Variants in TENT4A observed in about 807,000 individuals in gnomAD.
TENT4A encodes terminal nucleotidyltransferase 4A, also known as DNA polymerase kappa.
Under a neutral mutation model 72.8 loss-of-function variants are expected in TENT4A, and 7 were observed. That is an observed-to-expected ratio of 0.10 (90% CI 0.05 to 0.18). The LOEUF is 0.18. TENT4A is among the 10% of genes least tolerant of loss of function. The pLI, the probability that TENT4A is intolerant of heterozygous loss-of-function variation, is 1.00. For synonymous variants in TENT4A, 456 were observed against 434.3 expected, an observed-to-expected ratio of 1.05 and a Z score of -0.62; for missense variants, 831 against 1,017.7, an observed-to-expected ratio of 0.82 and a Z score of 2.50.
chr5:6,754,793 C>G lies in TENT4A; in HGVS notation c.2227C>G (p.His743Asp). ...ACTGTCCATGAAGGGCTCTCACGGC[C>G]ACACCCAAGGCGGCGGCTACAGCTC... ...MKLSMKGSHGHTQGGGYSSVG... is the reference protein window; with the variant it reads ...MKLSMKGSHGDTQGGGYSSVG... Residue 743 changes from histidine (H) to aspartate (D), a missense_variant, in exon 13 of 13, where the codon CAC (histidine) becomes GAC (aspartate). Physicochemically the swap from His to Asp is moderately conservative, Grantham distance 81. Coordinates refer to ENST00000230859, the MANE Select transcript of TENT4A (RefSeq NM_006999.6). 3 of 1,600,160 alleles carry G rather than the reference C, an allele frequency of 1.9e-6. No homozygotes were observed. Among genetic ancestry groups the G allele is most frequent in the Non-Finnish European group, 2.6e-6 (3 of 1,168,974 alleles).
intron 1 of TENT4A, among the ~76,000 whole-genome samples, chr5:6,718,523 C>T (rs1281061800): frequency 1.3e-5 from 2 of 152,182 alleles, no homozygotes; most frequent in African/African-American, 4.8e-5. Flanking sequence ...GGCGGTGGCA[C>T]GTGTGGACCT....
rs1466122566 is a variant in TENT4A at position 6,756,201 on chromosome 5, A to G, written c.*1256A>G. The G allele has an allele frequency of 6.6e-6, 1 of 152,642 alleles. No individual in the cohort carries two copies. The highest frequency in any genetic ancestry group is 1.5e-5 in the Non-Finnish European group (1 of 68,054). 9.5% of individuals were successfully genotyped at this position (152,642 alleles called of 1,614,324 possible). ...CGGAAGCATACAGGTATACTATGCA[A>G]GTGTATTCTGCCACAACAACCACTG... On this transcript the variant is annotated 3_prime_UTR_variant, in exon 13 of 13. Coordinates refer to ENST00000230859, the MANE Select transcript of TENT4A (RefSeq NM_006999.6).
At chr5:6,732,802 T>A (rs1741276126) in intron 1 of TENT4A, among the ~76,000 whole-genome samples, 1 of 152,112 alleles carries the variant, frequency 6.6e-6, no homozygotes, top group Admixed American at 6.5e-5. Context: ...TCATTAAGAG[T>A]TTGCTCCGTG....
chr5:6,736,489 A>T (rs1274165475), intron 1 of TENT4A, among the ~76,000 whole-genome samples: 1 of 152,254 alleles, frequency 6.6e-6, no homozygotes, highest in Non-Finnish European at 1.5e-5. Context: ...AATTCCTAGG[A>T]GTCATAGAAT....
At position 6,746,378 on chromosome 5, in the gene TENT4A, C is replaced by G. The variant is rs148756697; in HGVS notation, c.1410C>G (p.Thr470=). The stretch of plus-strand genomic sequence containing the variant: ...AAGAGGAGATCATGAAAGCCATGAC[C>G]AGCGGGTACAGACCGTCGATGCTGT... ...IAKEEIMKAM[T]SGYRPSMLCI... The change falls in exon 7 of 13, where the codon ACC becomes ACG. Residue 470 remains threonine (T), a synonymous_variant. Coordinates refer to ENST00000230859, the MANE Select transcript of TENT4A (RefSeq NM_006999.6). 58 of 1,614,034 alleles carry G rather than the reference C, an allele frequency of 3.6e-5. No individual in the cohort carries two copies. The African/African-American group carries it at 6.8e-4, about 19-fold the overall frequency.
intron 1 of TENT4A, among the ~76,000 whole-genome samples, chr5:6,722,887 A>G (rs927289115): frequency 3.9e-5 from 6 of 152,164 alleles, no homozygotes; most frequent in African/African-American, 1.4e-4. Context: ...GAATAATTCT[A>G]TTTTTGCACT....
chr5:6,754,105 A>G (rs1742562653), intron 12 of TENT4A, among the ~76,000 whole-genome samples: 2 of 152,240 alleles, frequency 1.3e-5, no homozygotes, highest in South Asian at 4.1e-4. Context: ...AGGTCCTGGC[A>G]CGTGTGACTT....
At chr5:6,717,179 G>C (rs979875869) in intron 1 of TENT4A, among the ~76,000 whole-genome samples, 4 of 152,226 alleles carry the variant, frequency 2.6e-5, no homozygotes, top group African/African-American at 9.7e-5. Context: ...CTGGCCATCA[G>C]CTTACCCAGA....
At chr5:6,723,777 T>C (rs573511909) in intron 1 of TENT4A, among the ~76,000 whole-genome samples, 1 of 152,140 alleles carries the variant, frequency 6.6e-6, no homozygotes, top group South Asian at 2.1e-4. Context: ...AGCTGTGGGG[T>C]TGCGGAGTGT....
At position 6,714,379 on chromosome 5, in the gene TENT4A, C is replaced by T. The variant is rs1287461951; in HGVS notation, c.396C>T (p.Ser132=). The T allele has an allele frequency of 1.2e-4, 140 of 1,135,906 alleles. No individual in the cohort carries two copies. The highest frequency in any genetic ancestry group is 1.5e-4 in the Non-Finnish European group (135 of 927,398). 70.4% of individuals were successfully genotyped at this position (1,135,906 alleles called of 1,614,324 possible). A position where few individuals can be genotyped will look rare whatever the true frequency, so the allele number is the denominator to read the frequency against. Residue 132 remains serine (S), a synonymous_variant, in exon 1 of 13, where the codon TCC becomes TCT. Coordinates refer to ENST00000230859, the MANE Select transcript of TENT4A (RefSeq NM_006999.6). ...AGAGCCCCGGCTGCTCGTCGTCGTC[C>T]TCCAGCAGCGCCTCGCTGGGCCGGC... ...GTESPGCSSS[S]SSSASLGRPG...
At chr5:6,726,699 G>A (rs925238916) in intron 1 of TENT4A, among the ~76,000 whole-genome samples, 2 of 152,140 alleles carry the variant, frequency 1.3e-5, no homozygotes, top group Non-Finnish European at 2.9e-5. Context: ...CAGAACCCAC[G>A]TGCGTTGCCT....
rs28381412 is a variant in TENT4A, at chr5:6,750,241, C to T, written c.1688-90C>T. On this transcript the variant is annotated intron_variant, in intron 9 of 12. Coordinates refer to ENST00000230859, the MANE Select transcript of TENT4A (RefSeq NM_006999.6). ...TTGTTAGTCACATTAGCAGCGTTCC[C>T]GGCTCAGCAGAGCCCGTGACTGATG... 1,044 of 1,089,008 alleles carry T rather than the reference C, an allele frequency of 9.6e-4. 16 individuals are homozygous for T. In the South Asian group the frequency reaches 0.017, roughly 18 times the overall value. 67.5% of individuals were successfully genotyped at this position (1,089,008 alleles called of 1,614,324 possible).
At chr5:6,751,475 C>T in intron 11 of TENT4A, 2 of 405,542 alleles carry the variant, frequency 4.9e-6, no homozygotes, top group East Asian at 4.3e-5. Flanking sequence ...CTCACTGCCC[C>T]AGCATGAGAC....
At chr5:6,733,944 A>C (rs1445151712) in intron 1 of TENT4A, among the ~76,000 whole-genome samples, 1 of 152,226 alleles carries the variant, frequency 6.6e-6, no homozygotes, top group Non-Finnish European at 1.5e-5. Flanking sequence ...TGGCGATTTA[A>C]ATGGTTTCTG....
chr5:6,730,782 A>G (rs1270754927), intron 1 of TENT4A, among the ~76,000 whole-genome samples: 1 of 151,082 alleles, frequency 6.6e-6, no homozygotes, highest in African/African-American at 2.4e-5. Context: ...AAAGCCTTGA[A>G]GTCCTGCTTC....
chr5:6,743,154 CA>C (rs1377460470), intron 5 of TENT4A, among the ~76,000 whole-genome samples: 2 of 152,172 alleles, frequency 1.3e-5, no homozygotes, highest in African/African-American at 4.8e-5. Context: ...CAATCCTTAG[CA>C]GGGGCAAATC....
At chr5:6,733,460 C>T (rs957278893) in intron 1 of TENT4A, among the ~76,000 whole-genome samples, 8 of 152,248 alleles carry the variant, frequency 5.3e-5, no homozygotes, top group African/African-American at 1.9e-4. Context: ...GGGATTTATT[C>T]TATTATGATC....
At chr5:6,726,057 C>T (rs1035402981) in intron 1 of TENT4A, among the ~76,000 whole-genome samples, 1 of 152,222 alleles carries the variant, frequency 6.6e-6, no homozygotes, top group African/African-American at 2.4e-5. Context: ...TCTCCCTCCT[C>T]TGGTGCCCAG....
chr5:6,734,319 C>G (rs992825006), intron 1 of TENT4A, among the ~76,000 whole-genome samples: 7 of 152,248 alleles, frequency 4.6e-5, no homozygotes, highest in African/African-American at 1.7e-4. Context: ...AACCCTCGCC[C>G]TCTGAGGGCC....
Sources: gnomAD v4.1 joint callset for allele counts (sites outside exome capture counted in the v4.1 genomes callset) on GRCh38, gnomAD v4.1.1 for gene constraint, MANE v1.5 for transcripts, NCBI Gene and HGNC (gene_info 2026-07-23, HGNC 2026-07-21) for gene names.